The following DOCK6 variants were observed in gnomAD, a reference collection of about 807,000 sequenced individuals.
DOCK6 encodes the protein dedicator of cytokinesis 6, also known as dedicator of cytokinesis protein 6.
A neutral mutation model predicts 230.3 loss-of-function variants in DOCK6; 167 were observed. The ratio of observed to expected loss-of-function variants is 0.73; its 90% confidence interval spans 0.64 to 0.82. The LOEUF (loss-of-function observed/expected upper bound fraction) is 0.82, where lower values mean the gene tolerates loss of function less well. Among genes scored for constraint, DOCK6 ranks in the 40% least tolerant of loss-of-function variants. The pLI is 0.00. For missense variants in DOCK6, 2,598 were observed against 2,825.8 expected, an observed-to-expected ratio of 0.92 and a Z score of 1.83; for synonymous variants, 1,148 against 1,185.0, an observed-to-expected ratio of 0.97 and a Z score of 0.64.
At chr19:11,251,978 T>C (rs1175166076) in intron 5 of DOCK6, 141 bp downstream of exon 5, 1 of 1,271,380 alleles carries the variant, frequency 7.9e-7, no homozygotes, top group Middle Eastern at 2.7e-4. Context: ...TTATGACCCC[T>C]AACTTTTTAC....
Position 11,251,157 on chromosome 19 carries a change from C to T in DOCK6, c.508-71G>A. The T allele has an allele frequency of 4.9e-6, 7 of 1,417,124 alleles. No homozygotes were observed. In the South Asian group the frequency reaches 8.6e-5, roughly 17 times the overall value. 87.8% of individuals were successfully genotyped at this position (1,417,124 alleles called of 1,614,324 possible). A position where few individuals can be genotyped will look rare whatever the true frequency, so the allele number is the denominator to read the frequency against. ...CTTCACCTCACTCTGGTGAGAGTGT[C>T]CTCATACTCATTCTAGAGATGGGGA... On this transcript the variant is annotated intron_variant, in intron 5 of 47. Transcript: ENST00000294618.
intron 37 of DOCK6, among the ~76,000 whole-genome samples, chr19:11,209,777 T>C (rs199549480): frequency 0.012 from 123 of 10,086 alleles, no homozygotes; most frequent in Middle Eastern, 0.2. Flanking sequence ...CTGTCCACCC[T>C]CTCACCTGTC....
rs980991844 is a variant in DOCK6, at chr19:11,217,331, C to T, written c.3611G>A (p.Gly1204Glu). Residue 1204 changes from glycine (G) to glutamate (E), a missense_variant, in exon 29 of 48, where the codon GGG becomes GAG. Coordinates refer to ENST00000294618, the MANE Select transcript of DOCK6 (RefSeq NM_020812.4). Reference protein sequence around the residue: ...SMLDSDTEGEGDIAGTINPSV... With the variant: ...SMLDSDTEGEEDIAGTINPSV... ...GGGGTTGATGGTACCCGCAATGTCC[C>T]CTTCGCCTTCTGTGTCTGAGTCAAG... 2 of 1,613,380 alleles carry T rather than the reference C, an allele frequency of 1.2e-6. No individual in the cohort carries two copies. Among genetic ancestry groups the T allele is most frequent in the Non-Finnish European group, 1.7e-6 (2 of 1,179,766 alleles).
chr19:11,241,990 C>G (rs2147848028), intron 14 of DOCK6, 55 bp downstream of exon 14: 1 of 1,522,464 alleles, frequency 6.6e-7, no homozygotes, highest in East Asian at 2.4e-5. Context: ...CCCCACCCAG[C>G]ATGATGTATG....
chr19:11,243,516 C>A lies in DOCK6; in HGVS notation c.1258+41G>T. ...CCCGCCCCAGGCCTGTCAGCACCACCCTTTAGCCCCGCCCCAAGCCTGTTA... is the reference window on the plus strand; with the variant it reads ...CCCGCCCCAGGCCTGTCAGCACCACACTTTAGCCCCGCCCCAAGCCTGTTA... On this transcript the variant is annotated intron_variant, in intron 11 of 47. Transcript: ENST00000294618. This position sits in a 1 kb window ranked among gnomAD's most constrained non-coding sequence, Gnocchi z 6.3. The A allele has an allele frequency of 3.2e-6, 5 of 1,561,728 alleles. No individual in the cohort carries two copies. The highest frequency in any genetic ancestry group is 2.7e-5 in the African/African-American group (2 of 73,640).
chr19:11,220,146 G>GT (rs1338859170), intron 28 of DOCK6, among the ~76,000 whole-genome samples: 2 of 151,994 alleles, frequency 1.3e-5, no homozygotes, highest in African/African-American at 4.8e-5. Context: ...GACAGACAGG[G>GT]TTTTACCATG....
intron 22 of DOCK6, among the ~76,000 whole-genome samples, chr19:11,230,521 G>A (rs1317187701): frequency 1.3e-5 from 2 of 152,224 alleles, no homozygotes; most frequent in Non-Finnish European, 2.9e-5. Context: ...GATGAAATCA[G>A]TGTAGACAGC....
chr19:11,243,097 C>A lies in DOCK6; in HGVS notation c.1442G>T (p.Arg481Leu), dbSNP rs778910172. Residue 481 changes from arginine to leucine, a missense_variant, in exon 13 of 48, where the codon CGC becomes CTC. Coordinates refer to ENST00000294618, the MANE Select transcript of DOCK6 (RefSeq NM_020812.4). The surrounding 1 kb of genome is among the most constrained non-coding windows in gnomAD (Gnocchi z 6.3). ...TAGTCGCCGCAGCAGGGACGACGGG[C>A]GCCTCATGTCAGCCAGGAACTTGAA... ...DLFKFLADMRRPSSLLRRLRP... is the reference protein window; with the variant it reads ...DLFKFLADMRLPSSLLRRLRP... 1.1e-5 allele frequency: 18 copies of A among 1,613,846 alleles called. No homozygotes were observed. The highest frequency in any genetic ancestry group is 5.5e-5 in the South Asian group (5 of 91,090).
Position 11,241,810 on chromosome 19 carries a change from C to G in DOCK6, c.1643+235G>C. The G allele has an allele frequency of 6.1e-6, 9 of 1,474,468 alleles. 1 individual carries two copies. The South Asian group carries it at 1.1e-4, about 18-fold the overall frequency. 91.3% of individuals were successfully genotyped at this position (1,474,468 alleles called of 1,614,324 possible). A position where few individuals can be genotyped will look rare whatever the true frequency, so the allele number is the denominator to read the frequency against. On this transcript the variant is annotated intron_variant, in intron 14 of 47. Transcript: ENST00000294618. ...TCAGCCAGGGCGCCGGGCCCCACTT[C>G]TGAGCACAGAGCAGAGACAGACGCA...
chr19:11,251,088 T>C lies in DOCK6; in HGVS notation c.508-2A>G, dbSNP rs1188309632. 6.2e-7 allele frequency: 1 copy of C among 1,608,212 alleles called. No homozygotes were observed. The highest frequency in any genetic ancestry group is 1.1e-5 in the South Asian group (1 of 89,966). On this transcript the variant is annotated splice_acceptor_variant, in intron 5 of 47. Coordinates refer to ENST00000294618, the MANE Select transcript of DOCK6 (RefSeq NM_020812.4). LOFTEE classifies it high-confidence loss of function. ...GCCCGAGCCACGCCGGGAGTCATTC[T>C]GCCAGTGGAGAATGTGCAAGCACTG...
intron 7 of DOCK6, among the ~76,000 whole-genome samples, chr19:11,246,637 AC>A (rs2080039583): frequency 6.6e-6 from 1 of 152,066 alleles, no homozygotes; most frequent in Non-Finnish European, 1.5e-5. Context: ...CCCTGCAACC[AC>A]GGCCCTTGTT....
At chr19:11,213,813 T>C (rs1349317873) in intron 34 of DOCK6, among the ~76,000 whole-genome samples, 1 of 150,822 alleles carries the variant, frequency 6.6e-6, no homozygotes, top group African/African-American at 2.4e-5. Context: ...TTTTTTTTTT[T>C]TGAGACAGGC....
rs376497454 is a variant in DOCK6 at position 11,253,623 on chromosome 19, C to T, written c.132+16G>A. 1.5e-4 allele frequency: 203 copies of T among 1,379,930 alleles called. No individual in the cohort carries two copies. The highest frequency in any genetic ancestry group is 1.4e-3 in the Middle Eastern group (7 of 4,994). The allele number at this position is 1,379,930 out of a possible 1,614,324, so 85.5% of individuals were successfully genotyped here. ...GAGAGGGCAGAGGGCTGGGGGCGGA[C>T]CCCCCAAATACTTACCCCCAGGGAG... On this transcript the variant is annotated intron_variant, in intron 2 of 47. Transcript: ENST00000294618.
chr19:11,242,148 C>T lies in DOCK6; in HGVS notation c.1540G>A (p.Glu514Lys). 4.1e-6 allele frequency: 6 copies of T among 1,478,196 alleles called. No individual in the cohort carries two copies. Among genetic ancestry groups the T allele is most frequent in the Non-Finnish European group, 5.4e-6 (6 of 1,116,248 alleles). 91.6% of individuals were successfully genotyped at this position (1,478,196 alleles called of 1,614,324 possible). A position where few individuals can be genotyped will look rare whatever the true frequency, so the allele number is the denominator to read the frequency against. The change falls in exon 14 of 48, where the codon GAG (glutamate) becomes AAG (lysine). Residue 514 changes from glutamate to lysine, a missense_variant. Physicochemically the swap from Glu to Lys is moderately conservative, Grantham distance 56. Transcript: ENST00000294618. ...PENPHFCLSPELLHIKPYPDP... is the reference protein window; with the variant it reads ...PENPHFCLSPKLLHIKPYPDP... ...GGGTAGGGCTTGATATGAAGCAGCT[C>T]AGGGGAGAGGCAGAAGTGGGGATTT...
intron 1 of DOCK6, 130 bp downstream of exon 1, chr19:11,262,267 A>C: frequency 1.8e-6 from 1 of 543,400 alleles, no homozygotes; most frequent in Non-Finnish European, 2.5e-6. Context: ...CGGCCGGAGG[A>C]AGCTGGCGGG....
chr19:11,241,805 C>T (rs1412475028), intron 14 of DOCK6: 6 of 1,477,260 alleles, frequency 4.1e-6, no homozygotes, highest in African/African-American at 1.4e-5. Flanking sequence ...CGCCGGGCCC[C>T]ACTTCTGAGC....
rs764310935 is a variant in DOCK6 at position 11,233,291 on chromosome 19, C to T, written c.2630G>A (p.Arg877His). Residue 877 changes from arginine (R) to histidine (H), a missense_variant, in exon 22 of 48, where the codon CGT (arginine) becomes CAT (histidine). Coordinates refer to ENST00000294618, the MANE Select transcript of DOCK6 (RefSeq NM_020812.4). ...SGRPASLYLARSKSISSSNPD... is the reference protein window; with the variant it reads ...SGRPASLYLAHSKSISSSNPD... ...GTTGCTGCTGCTGATGCTCTTGGAA[C>T]GCGCCAGGTAGAGGCTTGCGGGGCG... 21 of 1,613,798 alleles carry T rather than the reference C, an allele frequency of 1.3e-5. No homozygotes were observed. The highest frequency in any genetic ancestry group is 1.1e-4 in the African/African-American group (8 of 74,900).
At chr19:11,234,419 TA>T (rs1161321589) in intron 21 of DOCK6, among the ~76,000 whole-genome samples, 1 of 130,556 alleles carries the variant, frequency 7.7e-6, no homozygotes, top group East Asian at 2.1e-4. Context: ...CCCTGACTCT[TA>T]AAAAAAAGAA....
chr19:11,209,731 C>T (rs1415789194), intron 37 of DOCK6, among the ~76,000 whole-genome samples: 1 of 85,658 alleles, frequency 1.2e-5, no homozygotes, highest in Admixed American at 1.2e-4. Context: ...TGTCTATCCC[C>T]TCACCTGTCC....
Sources: gnomAD v4.1 joint callset for allele counts (sites outside exome capture counted in the v4.1 genomes callset) on GRCh38, gnomAD v4.1.1 for gene constraint, Gnocchi (gnomAD v3.1) non-coding constraint, MANE v1.5 for transcripts, NCBI Gene and HGNC (gene_info 2026-07-23, HGNC 2026-07-21) for gene names.